SLC15A2: variants seen among roughly 807,000 people sequenced by gnomAD.
SLC15A2 encodes kidney H(+)/peptide cotransporter.
A neutral mutation model predicts 95.5 loss-of-function variants in SLC15A2; 77 were observed. The observed-to-expected ratio is 0.81, with a 90% confidence interval of 0.67 to 0.97. The LOEUF is 0.97. SLC15A2 is among the 50% of genes least tolerant of loss of function. SLC15A2 has a pLI of 0.00. For missense variants in SLC15A2, 893 were observed against 874.4 expected (o/e 1.02, Z -0.27); for synonymous variants, 306 against 306.9 (o/e 1.00, Z 0.03).
intron 19 of SLC15A2, among the ~76,000 whole-genome samples, chr3:121,934,740 T>A (rs1052790075): frequency 2.0e-5 from 3 of 152,228 alleles, no homozygotes; most frequent in African/African-American, 7.2e-5. Flanking sequence ...CTTTTCCTAA[T>A]TGAATACCCT....
intron 3 of SLC15A2, among the ~76,000 whole-genome samples, chr3:121,906,055 A>G (rs1020356907): frequency 5.9e-5 from 9 of 152,174 alleles, no homozygotes; most frequent in Admixed American, 4.6e-4. Flanking sequence ...ATATATATTT[A>G]GGATAGCTAG....
intron 4 of SLC15A2, among the ~76,000 whole-genome samples, chr3:121,912,042 A>T (rs1310226165): frequency 6.6e-6 from 1 of 152,142 alleles, no homozygotes; most frequent in East Asian, 1.9e-4. Context: ...ATTTACATTT[A>T]TGTGTAGTTC....
chr3:121,910,450 C>T (rs532799918), intron 3 of SLC15A2, among the ~76,000 whole-genome samples: 2 of 152,074 alleles, frequency 1.3e-5, no homozygotes, highest in Non-Finnish European at 2.9e-5. Context: ...CCACCTTGGC[C>T]CCCCAAAGTG....
intron 19 of SLC15A2, among the ~76,000 whole-genome samples, chr3:121,935,600 T>C (rs1354649861): frequency 1.3e-5 from 2 of 152,128 alleles, no homozygotes; most frequent in African/African-American, 4.8e-5. Context: ...TCTGTGGGAT[T>C]GGTGGTGATA....
intron 3 of SLC15A2, among the ~76,000 whole-genome samples, chr3:121,903,544 G>T (rs1335581619): frequency 1.3e-5 from 2 of 152,112 alleles, no homozygotes; most frequent in African/African-American, 4.8e-5. Flanking sequence ...GTAAGGAAGG[G>T]ATCCAGTTTC....
intron 11 of SLC15A2, among the ~76,000 whole-genome samples, chr3:121,923,933 T>C (rs182664625): frequency 1.1e-4 from 16 of 152,320 alleles, no homozygotes; most frequent in African/African-American, 2.6e-4. Flanking sequence ...TTATTTACCA[T>C]GGTGGTCTTC....
At chr3:121,923,295 C>G (rs1276135157) in intron 11 of SLC15A2, 29 bp downstream of exon 11, 1 of 1,598,874 alleles carries the variant, frequency 6.3e-7, no homozygotes, top group African/African-American at 1.3e-5. Context: ...CCAGAGAAGT[C>G]TATTATTTTC....
At chr3:121,898,579 A>C (rs1275673164) in intron 3 of SLC15A2, among the ~76,000 whole-genome samples, 1 of 152,236 alleles carries the variant, frequency 6.6e-6, no homozygotes, top group Non-Finnish European at 1.5e-5. Context: ...AAACTATAAA[A>C]TATAATAAGT....
At chr3:121,898,098 G>T (rs1468503910) in intron 3 of SLC15A2, among the ~76,000 whole-genome samples, 1 of 151,398 alleles carries the variant, frequency 6.6e-6, no homozygotes, top group East Asian at 1.9e-4. Context: ...GGAGGCAGAG[G>T]TTGCAGTGAG....
intron 1 of SLC15A2, among the ~76,000 whole-genome samples, 163 bp downstream of exon 1, chr3:121,894,744 T>C (rs1709386690): frequency 6.6e-6 from 1 of 152,208 alleles, no homozygotes; most frequent in Non-Finnish European, 1.5e-5. Flanking sequence ...GAAGCTTCCT[T>C]TACATAAGAA....
intron 19 of SLC15A2, among the ~76,000 whole-genome samples, chr3:121,933,359 C>T (rs1710271179): frequency 1.3e-5 from 2 of 149,458 alleles, no homozygotes; most frequent in Admixed American, 6.6e-5. Context: ...AATGGTTGAA[C>T]TAGTTTACAG....
chr3:121,908,218 G>T (rs867436593), intron 3 of SLC15A2, among the ~76,000 whole-genome samples: 1 of 152,232 alleles, frequency 6.6e-6, no homozygotes, highest in Non-Finnish European at 1.5e-5. Context: ...CTGGTGTTCC[G>T]TTTGCTAAGA....
At position 121,929,058 on chromosome 3, in the gene SLC15A2, T is replaced by G. The variant is rs1164281660; in HGVS notation, c.1418T>G (p.Leu473Trp). The G allele has an allele frequency of 3.1e-6, 5 of 1,614,002 alleles. No homozygotes were observed. Among genetic ancestry groups the G allele is most frequent in the Non-Finnish European group, 4.2e-6 (5 of 1,179,986 alleles). ...CACTTCCACCTGAAATATCACAATT[T>G]GTCTCTCTACACTGAGCATTCTGTG... Reference protein sequence around the residue: ...DFHFHLKYHNLSLYTEHSVQE... With the variant: ...DFHFHLKYHNWSLYTEHSVQE... Residue 473 changes from leucine to tryptophan, a missense_variant, in exon 16 of 22, where the codon TTG becomes TGG. Leu to Trp is a moderately conservative substitution (Grantham distance 61). Coordinates refer to ENST00000489711, the MANE Select transcript of SLC15A2 (RefSeq NM_021082.4).
rs767879037 is a variant in SLC15A2, at chr3:121,929,074, G to A, written c.1434G>A (p.Glu478=). The A allele has an allele frequency of 4.3e-6, 7 of 1,614,114 alleles. No homozygotes were observed. Among genetic ancestry groups the A allele is most frequent in the Non-Finnish European group, 3.4e-6 (4 of 1,179,988 alleles). The change falls in exon 16 of 22, where the codon GAG becomes GAA. Residue 478 remains glutamate (E), a synonymous_variant. Transcript: ENST00000489711. ...LKYHNLSLYT[E]HSVQEKNWYS... ...ATCACAATTTGTCTCTCTACACTGA[G>A]CATTCTGTGCAGGAGAAGAACTGGT...
chr3:121,942,174 G>T lies in SLC15A2; in HGVS notation c.*1167G>T, dbSNP rs1710474921. 6.6e-6 allele frequency: 1 copy of T among 152,216 alleles called. No homozygotes were observed. The highest frequency in any genetic ancestry group is 2.1e-4 in the South Asian group (1 of 4,832). 9.4% of individuals were successfully genotyped at this position (152,216 alleles called of 1,614,324 possible). On this transcript the variant is annotated 3_prime_UTR_variant, in exon 22 of 22. Transcript: ENST00000489711. ...TGTCAATAGAGGAGCATGGTCCTAT[G>T]TGAGGTTCCTATCAAAATTTGTGGG...
At chr3:121,917,031 A>C (rs2332049) in intron 7 of SLC15A2, among the ~76,000 whole-genome samples, 67,690 of 151,740 alleles carry the variant, frequency 0.45, 15,613 homozygotes, top group East Asian at 0.69. Flanking sequence ...CGTGTTAGCC[A>C]GGATGGTCTC....
At chr3:121,928,679 T>A in intron 15 of SLC15A2, 124 bp downstream of exon 15, 1 of 1,082,910 alleles carries the variant, frequency 9.2e-7, no homozygotes, top group Non-Finnish European at 1.3e-6. Flanking sequence ...CACATGATTT[T>A]AATGGGCATA....
rs555907155 is a variant in SLC15A2 at position 121,897,582 on chromosome 3, G to T, written c.335+53G>T. On this transcript the variant is annotated intron_variant, in intron 3 of 21. Transcript: ENST00000489711. ...ACAAGTTTCACAGGTTGTGCAGAAG[G>T]CTATCACTTCTAGCCTCTTGCTTCT... is the stretch of plus-strand genomic sequence containing the variant. 1.2e-5 allele frequency: 19 copies of T among 1,593,622 alleles called. No homozygotes were observed. The South Asian group carries it at 2.0e-4, about 17-fold the overall frequency.
chr3:121,908,144 C>T (rs558516662), intron 3 of SLC15A2, among the ~76,000 whole-genome samples: 4 of 152,330 alleles, frequency 2.6e-5, no homozygotes, highest in South Asian at 4.1e-4. Context: ...CAGACTGCTG[C>T]GCTAGCAGTG....
Sources: allele counts gnomAD v4.1 joint callset (sites outside exome capture counted in the v4.1 genomes callset), GRCh38; gene constraint gnomAD v4.1.1; transcripts MANE v1.5; gene names NCBI Gene and HGNC (gene_info 2026-07-23, HGNC 2026-07-21).